The following TRMT44 variants were observed in gnomAD, a reference collection of about 807,000 sequenced individuals.
TRMT44 encodes tRNA methyltransferase 44 homolog, also known as probable tRNA (uracil-O(2)-)-methyltransferase.
Under a neutral mutation model 77.3 loss-of-function variants are expected in TRMT44, and 78 were observed. That is an observed-to-expected ratio of 1.01 (90% CI 0.84 to 1.22). TRMT44 has a LOEUF of 1.22. Among genes scored for constraint, TRMT44 ranks in the 50% most tolerant of loss-of-function variants. The pLI is 0.00. For synonymous variants in TRMT44, 391 were observed against 383.3 expected, an observed-to-expected ratio of 1.02 and a Z score of -0.23; for missense variants, 1,090 against 964.4, an observed-to-expected ratio of 1.13 and a Z score of -1.73.
At chr4:8,443,460 G>T (rs1207780459) in intron 1 of TRMT44, among the ~76,000 whole-genome samples, 1 of 152,222 alleles carries the variant, frequency 6.6e-6, no homozygotes, top group Non-Finnish European at 1.5e-5. Flanking sequence ...GCCTGGCTTT[G>T]AATTTTGGTC....
chr4:8,504,674 G>A, the TRMT44 span, among the ~76,000 whole-genome samples: 5 of 152,120 alleles, frequency 3.3e-5, no homozygotes, highest in African/African-American at 1.2e-4. This position sits in a 1 kb window ranked among gnomAD's most constrained non-coding sequence, Gnocchi z 5.3. Flanking sequence ...GGGGAAGAGG[G>A]CACTGAAGCT....
At chr4:8,472,993 C>A (rs1363002428) in intron 10 of TRMT44, among the ~76,000 whole-genome samples, 1 of 152,206 alleles carries the variant, frequency 6.6e-6, no homozygotes, top group Non-Finnish European at 1.5e-5. Flanking sequence ...CCTGGGGGGG[C>A]AAACTTGTTT....
intron 2 of TRMT44, among the ~76,000 whole-genome samples, chr4:8,485,613 A>G (rs1234714469): frequency 6.6e-6 from 1 of 152,040 alleles, no homozygotes; most frequent in Non-Finnish European, 1.5e-5. Context: ...GATGTCCCAT[A>G]CTTGTGGGTT....
In TRMT44 at chr4:8,449,885, T is replaced by C. The variant is rs957691869; in HGVS notation, c.951T>C (p.Val317=). ...TTAAAGAGAAGTATAAGGAAATGGTTAAGGTAATTCTGGTGGAGAATATCT... is the reference window on the plus strand; with the variant it reads ...TTAAAGAGAAGTATAAGGAAATGGTCAAGGTAATTCTGGTGGAGAATATCT... ...QELKEKYKEM[V]KVWPEVTDPE... is the part of the protein sequence containing the mutation. The change falls in exon 3 of 11, where the codon GTT becomes GTC. Residue 317 remains valine, a synonymous_variant. Coordinates refer to ENST00000389737, the MANE Select transcript of TRMT44 (RefSeq NM_152544.3). 2 of 1,511,040 alleles carry C rather than the reference T, an allele frequency of 1.3e-6. No individual in the cohort carries two copies. Among genetic ancestry groups the C allele is most frequent in the Non-Finnish European group, 1.8e-6 (2 of 1,127,348 alleles). The allele number at this position is 1,511,040 out of a possible 1,614,324, so 93.6% of individuals were successfully genotyped here.
downstream of TRMT44, among the ~76,000 whole-genome samples, chr4:8,497,913 G>A (rs951593381): frequency 1.3e-5 from 2 of 152,190 alleles, no homozygotes; most frequent in Non-Finnish European, 2.9e-5. Context: ...TGTGCCACTG[G>A]GGCTGGCGTG....
intron 2 of TRMT44, among the ~76,000 whole-genome samples, chr4:8,448,706 C>T (rs552791002): frequency 4.6e-5 from 7 of 152,374 alleles, no homozygotes; most frequent in African/African-American, 1.7e-4. Flanking sequence ...TTGGGGTTGA[C>T]TCTCTGGAGA....
intron 2 of TRMT44, among the ~76,000 whole-genome samples, chr4:8,492,588 GA>G (rs1728040736): frequency 6.6e-6 from 1 of 152,124 alleles, no homozygotes; most frequent in Admixed American, 6.5e-5. Flanking sequence ...GTCAAGCTGG[GA>G]ACTGCTTAGG....
At chr4:8,470,346 C>T (rs141708620) in intron 9 of TRMT44, among the ~76,000 whole-genome samples, 74 of 152,274 alleles carry the variant, frequency 4.9e-4, no homozygotes, top group South Asian at 8.3e-4. Context: ...TACAGACAGG[C>T]GCCGTCTCCT....
intron 6 of TRMT44, among the ~76,000 whole-genome samples, chr4:8,462,184 G>T (rs956765646): frequency 7.2e-5 from 11 of 151,770 alleles, no homozygotes; most frequent in African/African-American, 2.4e-4. Context: ...GCCGAGGTGG[G>T]CACATCACCT....
rs552720348 is a variant in TRMT44, at chr4:8,452,119, A to G, written c.1023+91A>G. ...GTAGTGAAGGACATTTTCCAAATCC[A>G]TAACTGCCGGTGCTCACAATTCTGC... is the stretch of plus-strand genomic sequence containing the variant. On this transcript the variant is annotated intron_variant, in intron 4 of 10. Transcript: ENST00000389737. The surrounding 1 kb of genome is among the most constrained non-coding windows in gnomAD (Gnocchi z 5.7). The G allele has an allele frequency of 4.7e-3, 5,565 of 1,175,580 alleles. 17 individuals carry two copies. Among genetic ancestry groups the G allele is most frequent in the Non-Finnish European group, 6.0e-3 (4,959 of 821,042 alleles). The allele number at this position is 1,175,580 out of a possible 1,614,324, so 72.8% of individuals were successfully genotyped here.
chr4:8,442,001 G>T lies in TRMT44; in HGVS notation c.619+560G>T, dbSNP rs542292267. 5.3e-5 allele frequency among the ~76,000 whole-genome samples: 8 copies of T among 152,348 alleles called. No homozygotes were observed. In the East Asian group the frequency reaches 1.5e-3, roughly 29 times the overall value. On this transcript the variant is annotated intron_variant, in intron 1 of 10. Transcript: ENST00000389737. ...GTGGCGGTTTAAATGAATCTCCTTT[G>T]TGCTCAAACAGCGTTATCTTTAACT... is the stretch of plus-strand genomic sequence containing the variant.
intron 8 of TRMT44, among the ~76,000 whole-genome samples, chr4:8,467,698 C>G (rs1253775849): frequency 6.6e-6 from 1 of 152,182 alleles, no homozygotes; most frequent in Admixed American, 6.5e-5. Flanking sequence ...CCAGGCTGGT[C>G]TGAAACTCAA....
the TRMT44 span, among the ~76,000 whole-genome samples, chr4:8,499,286 C>G: frequency 3.3e-5 from 5 of 152,190 alleles, no homozygotes; most frequent in Non-Finnish European, 7.4e-5. Context: ...CAGCCTGGGC[C>G]CCCTGCCCTG....
chr4:8,441,523 G>A (rs1724696472), intron 1 of TRMT44, 82 bp downstream of exon 1: 1 of 1,410,528 alleles, frequency 7.1e-7, no homozygotes, highest in East Asian at 2.5e-5. Context: ...AAGTCCTAAG[G>A]GTACTAGTTC....
chr4:8,464,315 A>C (rs1415008881), intron 7 of TRMT44, among the ~76,000 whole-genome samples: 1 of 152,232 alleles, frequency 6.6e-6, no homozygotes, highest in East Asian at 1.9e-4. Context: ...GGAAAATATA[A>C]AATTACTGAG....
In TRMT44 at chr4:8,446,434, C is replaced by T; in HGVS notation, c.620-42C>T. On this transcript the variant is annotated intron_variant, in intron 1 of 10. Coordinates refer to ENST00000389737, the MANE Select transcript of TRMT44 (RefSeq NM_152544.3). This position sits in a 1 kb window ranked among gnomAD's most constrained non-coding sequence, Gnocchi z 4.3. Reference sequence around the variant, plus strand: ...AATACTGCTTCTGATGAGACGGTAGCTAGGCAGTTGTAATTTGTCCTTCTT... The same window carrying T: ...AATACTGCTTCTGATGAGACGGTAGTTAGGCAGTTGTAATTTGTCCTTCTT... 2 of 1,267,146 alleles carry T rather than the reference C, an allele frequency of 1.6e-6. No homozygotes were observed. Among genetic ancestry groups the T allele is most frequent in the Non-Finnish European group, 2.2e-6 (2 of 903,176 alleles). The allele number at this position is 1,267,146 out of a possible 1,614,324, so 78.5% of individuals were successfully genotyped here.
intron 2 of TRMT44, among the ~76,000 whole-genome samples, chr4:8,485,348 A>C (rs561040360): frequency 2.6e-5 from 4 of 152,328 alleles, no homozygotes; most frequent in African/African-American, 9.6e-5. Flanking sequence ...GGATAGGCAA[A>C]ACAATTTGGT....
chr4:8,504,076 G>T, the TRMT44 span, among the ~76,000 whole-genome samples: 1 of 152,158 alleles, frequency 6.6e-6, no homozygotes, highest in Non-Finnish European at 1.5e-5. The surrounding 1 kb of genome is among the most constrained non-coding windows in gnomAD (Gnocchi z 5.3). Flanking sequence ...CTGAGCCTCT[G>T]AGGTTGGTGG....
chr4:8,482,039 G>T (rs1579095654), intron 2 of TRMT44, among the ~76,000 whole-genome samples: 1 of 152,308 alleles, frequency 6.6e-6, no homozygotes, highest in East Asian at 1.9e-4. Flanking sequence ...CTTCAGACTT[G>T]TTAAGGTGCG....
Sources: allele counts gnomAD v4.1 joint callset (sites outside exome capture counted in the v4.1 genomes callset), GRCh38; gene constraint gnomAD v4.1.1; non-coding constraint Gnocchi (gnomAD v3.1); transcripts MANE v1.5; gene names NCBI Gene and HGNC (gene_info 2026-07-23, HGNC 2026-07-21).